REL: variants seen among roughly 807,000 people sequenced by gnomAD.
The protein encoded by REL is REL proto-oncogene, NF-kB subunit.
In REL, 15 loss-of-function variants were observed where a neutral mutation model predicts 45.9. The observed-to-expected ratio is 0.33, with a 90% CI of 0.22 to 0.50. REL has a LOEUF of 0.50. Ranked by LOEUF, REL falls within the 20% of genes least tolerant of loss-of-function variation. The probability of loss-of-function intolerance (pLI) is 0.98; values close to 1 mark genes in which losing one functional copy is unlikely to be tolerated. For missense variants in REL, 601 were observed against 715.2 expected, an observed-to-expected ratio of 0.84 and a Z score of 1.82; for synonymous variants, 239 against 242.1, an observed-to-expected ratio of 0.99 and a Z score of 0.12.
At chr2:60,902,672 C>T (rs367645487) in intron 4 of REL, among the ~76,000 whole-genome samples, 82 of 149,462 alleles carry the variant, frequency 5.5e-4, no homozygotes, top group African/African-American at 1.9e-3. Flanking sequence ...CAGATCACTG[C>T]GGCGTTGACA....
intron 7 of REL, 95 bp from the exon 8 acceptor site, chr2:60,919,946 A>G: frequency 1.3e-6 from 1 of 775,062 alleles, no homozygotes; most frequent in Non-Finnish European, 2.1e-6. Context: ...ATTTATTGAA[A>G]ACATTTTCTA....
At chr2:60,912,531 T>C (rs1673848514) in intron 4 of REL, among the ~76,000 whole-genome samples, 1 of 152,150 alleles carries the variant, frequency 6.6e-6, no homozygotes, top group African/African-American at 2.4e-5. Context: ...AGACTTACTG[T>C]GTATATAAGC....
rs1269180061 is a variant in REL, at chr2:60,922,637, TATA to T, written c.*106_*108del. ...TATAATACTATATTTATACTGTATATATAATACTGACTGAGAATATAATACTGT... is the reference window on the plus strand; with the variant it reads ...TATAATACTATATTTATACTGTATATATACTGACTGAGAATATAATACTGT... On this transcript the variant is annotated 3_prime_UTR_variant, in exon 10 of 10. Transcript: ENST00000394479. The T allele has an allele frequency of 2.2e-6, 3 of 1,376,262 alleles. No individual in the cohort carries two copies. Among genetic ancestry groups the T allele is most frequent in the Non-Finnish European group, 2.8e-6 (3 of 1,058,770 alleles). The allele number at this position is 1,376,262 out of a possible 1,614,324, so 85.3% of individuals were successfully genotyped here. A position where few individuals can be genotyped will look rare whatever the true frequency, so the allele number is the denominator to read the frequency against.
chr2:60,900,811 C>A, intron 3 of REL, 181 bp from the exon 4 acceptor site: 1 of 537,256 alleles, frequency 1.9e-6, no homozygotes, highest in Non-Finnish European at 3.2e-6. Flanking sequence ...GCACAAGCCA[C>A]GCGCCCAGCC....
At chr2:60,890,485 T>G (rs1573314225) in intron 1 of REL, among the ~76,000 whole-genome samples, 2 of 152,198 alleles carry the variant, frequency 1.3e-5, no homozygotes, top group Admixed American at 6.5e-5. Flanking sequence ...CAGGATTGCT[T>G]GCGTTCTAAC....
At chr2:60,916,176 G>A (rs1673957522) in intron 4 of REL, among the ~76,000 whole-genome samples, 1 of 152,206 alleles carries the variant, frequency 6.6e-6, no homozygotes, top group South Asian at 2.1e-4. Context: ...ACTTTGGGAG[G>A]CCAAGGTGGG....
At chr2:60,898,845 G>C (rs531938201) in intron 3 of REL, 1 of 152,292 alleles carries the variant, frequency 6.6e-6, no homozygotes, top group Admixed American at 6.5e-5. Context: ...TTGAGGAAAG[G>C]GATTGTATAT....
At chr2:60,919,930 A>G (rs1460529144) in intron 7 of REL, 111 bp from the exon 8 acceptor site, 5 of 665,812 alleles carry the variant, frequency 7.5e-6, no homozygotes, top group East Asian at 2.8e-5. Context: ...TCCAACTTAC[A>G]TACATATTTA....
At chr2:60,901,105 A>G (rs779593835) in intron 4 of REL, 22 bp downstream of exon 4, 9 of 1,483,050 alleles carry the variant, frequency 6.1e-6, no homozygotes, top group African/African-American at 6.1e-5. Context: ...TGATAAAATC[A>G]TTTCTATTTA....
rs1674272236 is a variant in REL, at chr2:60,926,555, G to C, written c.*4020G>C. 4.3e-6 allele frequency: 1 copy of C among 231,256 alleles called. No homozygotes were observed. Among genetic ancestry groups the C allele is most frequent in the Admixed American group, 5.7e-5 (1 of 17,654 alleles). 14.3% of individuals were successfully genotyped at this position (231,256 alleles called of 1,614,324 possible). A position where few individuals can be genotyped will look rare whatever the true frequency, so the allele number is the denominator to read the frequency against. Reference sequence around the variant, plus strand: ...CTGAGATTTATTTCCCATGAGTCTTGACCCCTCCCCTCAGTTGGTGCTATT... The same window carrying C: ...CTGAGATTTATTTCCCATGAGTCTTCACCCCTCCCCTCAGTTGGTGCTATT... On this transcript the variant is annotated 3_prime_UTR_variant, in exon 10 of 10. Coordinates refer to ENST00000394479, the MANE Select transcript of REL (RefSeq NM_001291746.2).
intron 3 of REL, among the ~76,000 whole-genome samples, chr2:60,896,870 A>G (rs76218227): frequency 1.1e-4 from 17 of 152,124 alleles, no homozygotes; most frequent in Middle Eastern, 3.2e-3. Flanking sequence ...TCTCTCCCCA[A>G]TTCAGGATCC....
chr2:60,886,621 G>A (rs1371048651), intron 1 of REL, among the ~76,000 whole-genome samples: 1 of 152,064 alleles, frequency 6.6e-6, no homozygotes, highest in African/African-American at 2.4e-5. Flanking sequence ...TTAAAATAAT[G>A]TTATAATTAC....
In REL at chr2:60,920,258, G is replaced by A. The variant is rs1197710088; in HGVS notation, c.922+149G>A. 1.3e-5 allele frequency: 9 copies of A among 673,644 alleles called. No homozygotes were observed. The Admixed American group carries it at 2.3e-4, about 17-fold the overall frequency. The allele number at this position is 673,644 out of a possible 1,614,324, so 41.7% of individuals were successfully genotyped here. ...TCTCTGTCACCCAGGCTGGAGTGCAGTAGGGCAATCTCAACTCACTGCAAC... is the reference window on the plus strand; with the variant it reads ...TCTCTGTCACCCAGGCTGGAGTGCAATAGGGCAATCTCAACTCACTGCAAC... On this transcript the variant is annotated intron_variant, in intron 8 of 9. Transcript: ENST00000394479.
intron 1 of REL, among the ~76,000 whole-genome samples, chr2:60,885,808 A>G (rs776123385): frequency 6.6e-6 from 1 of 152,178 alleles, no homozygotes; most frequent in Non-Finnish European, 1.5e-5. Context: ...GCTATTCTCA[A>G]CTGTGGTGTT....
intron 1 of REL, among the ~76,000 whole-genome samples, chr2:60,885,061 A>G (rs541599765): frequency 1.3e-5 from 2 of 152,314 alleles, no homozygotes; most frequent in East Asian, 3.9e-4. Context: ...GACGTATGAT[A>G]GGCACAGATA....
At chr2:60,898,764 AAGAC>A (rs1410101387) in intron 3 of REL, among the ~76,000 whole-genome samples, 3 of 152,236 alleles carry the variant, frequency 2.0e-5, no homozygotes, top group Admixed American at 6.5e-5. Context: ...TTTATTTGCA[AAGAC>A]AGACAAGATG....
chr2:60,898,045 TAA>T (rs1673398855), intron 3 of REL, among the ~76,000 whole-genome samples: 1 of 152,192 alleles, frequency 6.6e-6, no homozygotes, highest in African/African-American at 2.4e-5. Flanking sequence ...TTGAATCTAC[TAA>T]CAGTTACCTT....
chr2:60,903,339 A>G (rs1673548672), intron 4 of REL, among the ~76,000 whole-genome samples: 1 of 152,212 alleles, frequency 6.6e-6, no homozygotes. Flanking sequence ...AAAGGCATTA[A>G]AAAGGAAGAT....
chr2:60,905,629 C>G (rs1157118657), intron 4 of REL, among the ~76,000 whole-genome samples: 2 of 152,112 alleles, frequency 1.3e-5, no homozygotes, highest in Non-Finnish European at 2.9e-5. Flanking sequence ...TTCGGGTCTG[C>G]AGCAGCCCCA....
Sources: allele counts gnomAD v4.1 joint callset (sites outside exome capture counted in the v4.1 genomes callset), GRCh38; gene constraint gnomAD v4.1.1; transcripts MANE v1.5; gene names NCBI Gene and HGNC (gene_info 2026-07-23, HGNC 2026-07-21).